The following AGAP1 variants were observed in gnomAD, a reference collection of about 807,000 sequenced individuals.
The protein encoded by AGAP1 is arf-GAP with GTPase, ANK repeat and PH domain-containing protein 1.
Under a neutral mutation model 105.3 loss-of-function variants are expected in AGAP1, and 29 were observed. The observed-to-expected ratio is 0.28, with a 90% CI of 0.21 to 0.38. AGAP1 has a LOEUF of 0.38. Ranked by LOEUF, AGAP1 falls within the 10% of genes least tolerant of loss-of-function variation. The pLI is 1.00. For missense variants in AGAP1, 998 were observed against 1,165.1 expected (o/e 0.86, Z 2.09); for synonymous variants, 509 against 485.9 (o/e 1.05, Z -0.63).
intron 1 of AGAP1, among the ~76,000 whole-genome samples, chr2:235,676,644 G>C (rs992304713): frequency 3.3e-5 from 5 of 152,142 alleles, no homozygotes; most frequent in African/African-American, 9.7e-5. Context: ...CATAAAACAG[G>C]ATGTTACTCT....
chr2:235,969,808 C>T (rs554064115), intron 13 of AGAP1, among the ~76,000 whole-genome samples: 4 of 152,290 alleles, frequency 2.6e-5, no homozygotes, highest in African/African-American at 9.6e-5. Context: ...CTCTGAGTAG[C>T]CCGCCAGCCT....
In AGAP1 at chr2:235,799,817, G is replaced by A. The variant is rs2150051530; in HGVS notation, c.957+295G>A. Among the ~76,000 whole-genome samples, 1 of 152,230 alleles carries A rather than the reference G, an allele frequency of 6.6e-6. No homozygotes were observed. The highest frequency in any genetic ancestry group is 2.1e-4 in the South Asian group (1 of 4,822). ...GCTCCAGCTAAAGATGTGTCACAGT[G>A]GATACAAGGAGATGACAAAACTCTA... On this transcript the variant is annotated intron_variant, in intron 8 of 17. Coordinates refer to ENST00000304032, the MANE Select transcript of AGAP1 (RefSeq NM_001037131.3). This position sits in a 1 kb window ranked among gnomAD's most constrained non-coding sequence, Gnocchi z 5.0.
rs1045432262 is a variant in AGAP1 at position 236,078,948 on chromosome 2, G to C, written c.2114+29667G>C. On this transcript the variant is annotated intron_variant, in intron 16 of 17. Transcript: ENST00000304032. The surrounding 1 kb of genome is among the most constrained non-coding windows in gnomAD (Gnocchi z 5.3). ...CCTCACACAGTGACCCAGTGGGCTTGAACAGTGAGGTTCCAGTCCCGTCCC... is the reference window on the plus strand; with the variant it reads ...CCTCACACAGTGACCCAGTGGGCTTCAACAGTGAGGTTCCAGTCCCGTCCC... Among the ~76,000 whole-genome samples, 1 of 152,192 alleles carries C rather than the reference G, an allele frequency of 6.6e-6. No homozygotes were observed. Among genetic ancestry groups the C allele is most frequent in the Admixed American group, 6.5e-5 (1 of 15,276 alleles).
rs114272823 is a variant in AGAP1 at position 235,906,704 on chromosome 2, A to G, written c.1156-2034A>G. On this transcript the variant is annotated intron_variant, in intron 10 of 17. Coordinates refer to ENST00000304032, the MANE Select transcript of AGAP1 (RefSeq NM_001037131.3). This position sits in a 1 kb window ranked among gnomAD's most constrained non-coding sequence, Gnocchi z 5.3. ...CACCTGACCATGGTTGGGCAGGGAG[A>G]AAACAGCTCTTCTCATCCTCTGCCC... Among the ~76,000 whole-genome samples the G allele has an allele frequency of 0.02, 3,053 of 150,406 alleles. 115 individuals carry two copies. The highest frequency in any genetic ancestry group is 0.073 in the African/African-American group (2,890 of 39,830).
At chr2:235,543,084 C>T (rs1448615482) in intron 1 of AGAP1, among the ~76,000 whole-genome samples, 1 of 125,538 alleles carries the variant, frequency 8.0e-6, no homozygotes, top group Non-Finnish European at 1.7e-5. Context: ...ACCCTGCTCC[C>T]GCCTCCTCCC....
At chr2:235,696,979 C>G (rs1472435009) in intron 1 of AGAP1, among the ~76,000 whole-genome samples, 1 of 149,124 alleles carries the variant, frequency 6.7e-6, no homozygotes, top group African/African-American at 2.6e-5. Flanking sequence ...CCTGGAGACT[C>G]GATCTCAAAA....
At chr2:235,974,235 T>A (rs1364654985) in intron 13 of AGAP1, among the ~76,000 whole-genome samples, 1 of 152,218 alleles carries the variant, frequency 6.6e-6, no homozygotes, top group Non-Finnish European at 1.5e-5. Flanking sequence ...TCAAACTCTT[T>A]CCACCAGGCA....
chr2:235,629,258 G>A (rs1946741935), intron 1 of AGAP1, among the ~76,000 whole-genome samples: 1 of 149,262 alleles, frequency 6.7e-6, no homozygotes, highest in Non-Finnish European at 1.5e-5. Flanking sequence ...TTAAGGCTGA[G>A]TAGTAGTCAT....
Position 235,744,475 on chromosome 2 carries a change from G to A in AGAP1, c.397-223G>A, listed in dbSNP as rs1224244823. 6.6e-6 allele frequency among the ~76,000 whole-genome samples: 1 copy of A among 152,176 alleles called. No individual in the cohort carries two copies. The highest frequency in any genetic ancestry group is 1.5e-5 in the Non-Finnish European group (1 of 68,032). On this transcript the variant is annotated intron_variant, in intron 4 of 17. Transcript: ENST00000304032. This position sits in a 1 kb window ranked among gnomAD's most constrained non-coding sequence, Gnocchi z 5.2. ...GACAGAGTGGCTTGGGTGGGAACAG[G>A]ATGAAGGGCCCATTCCCAAGGGGAA...
chr2:236,060,191 T>C (rs2058153769), intron 16 of AGAP1, among the ~76,000 whole-genome samples: 1 of 152,212 alleles, frequency 6.6e-6, no homozygotes, highest in African/African-American at 2.4e-5. Context: ...GGGTAAATCT[T>C]TGTGACTTTA....
intron 6 of AGAP1, among the ~76,000 whole-genome samples, chr2:235,778,768 T>C (rs983611209): frequency 6.6e-6 from 1 of 152,198 alleles, no homozygotes; most frequent in East Asian, 1.9e-4. Context: ...CTCTGATGGC[T>C]GTGTTCTTGG....
chr2:235,962,695 G>A lies in AGAP1; in HGVS notation c.1484-5767G>A, dbSNP rs2054241106. On this transcript the variant is annotated intron_variant, in intron 12 of 17. Transcript: ENST00000304032. The surrounding 1 kb of genome is among the most constrained non-coding windows in gnomAD (Gnocchi z 5.3). ...GAGAGGACACCCAGGAGGCTGAGAT[G>A]CAGACAGACCAAAATTCCAAAGGAG... 6.6e-6 allele frequency among the ~76,000 whole-genome samples: 1 copy of A among 152,194 alleles called. No individual in the cohort carries two copies. The highest frequency in any genetic ancestry group is 2.4e-5 in the African/African-American group (1 of 41,446).
chr2:235,884,643 G>C (rs1056281720), intron 10 of AGAP1, among the ~76,000 whole-genome samples: 7 of 151,872 alleles, frequency 4.6e-5, no homozygotes, highest in Admixed American at 4.6e-4. Flanking sequence ...TAGTAGAGAC[G>C]TGGTTTCACC....
chr2:236,064,521 G>A (rs894765023), intron 16 of AGAP1, among the ~76,000 whole-genome samples: 3 of 152,206 alleles, frequency 2.0e-5, no homozygotes, highest in Non-Finnish European at 1.5e-5. Flanking sequence ...ACTTGAACTC[G>A]GGAGGCGGAG....
rs1947221844 is a variant in AGAP1, at chr2:235,642,229, A to T, written c.164-66950A>T. 6.6e-6 allele frequency among the ~76,000 whole-genome samples: 1 copy of T among 151,928 alleles called. No homozygotes were observed. Among genetic ancestry groups the T allele is most frequent in the Admixed American group, 6.6e-5 (1 of 15,260 alleles). On this transcript the variant is annotated intron_variant, in intron 1 of 17. Transcript: ENST00000304032. The surrounding 1 kb of genome is among the most constrained non-coding windows in gnomAD (Gnocchi z 4.1). ...GCTAGCTCGTGGCATGTGCAATGGG[A>T]TCTCTTTCCTGAGTGCGCATTTCTT... is the stretch of plus-strand genomic sequence containing the variant.
chr2:235,892,924 A>T (rs920296389), intron 10 of AGAP1, among the ~76,000 whole-genome samples: 1 of 152,246 alleles, frequency 6.6e-6, no homozygotes, highest in East Asian at 1.9e-4. Context: ...GACCAAAAAG[A>T]CAGACCTCCC....
chr2:235,916,151 C>T (rs530431590), intron 11 of AGAP1, among the ~76,000 whole-genome samples: 2 of 124,270 alleles, frequency 1.6e-5, no homozygotes, highest in East Asian at 5.4e-4. Flanking sequence ...GAAAAAATTA[C>T]TGAAGGGTCT....
At chr2:235,589,135 GC>G (rs915307614) in intron 1 of AGAP1, among the ~76,000 whole-genome samples, 1 of 149,376 alleles carries the variant, frequency 6.7e-6, no homozygotes, top group Non-Finnish European at 1.5e-5. Flanking sequence ...GGTTTCAGGA[GC>G]CCCGATGCTG....
Position 235,557,015 on chromosome 2 carries a change from G to C in AGAP1, c.163+62166G>C, listed in dbSNP as rs1450858798. Among the ~76,000 whole-genome samples, 1 of 152,182 alleles carries C rather than the reference G, an allele frequency of 6.6e-6. No individual in the cohort carries two copies. The highest frequency in any genetic ancestry group is 1.5e-5 in the Non-Finnish European group (1 of 68,042). The stretch of plus-strand genomic sequence containing the variant: ...TGCAACTCAGGGCTTTCTGGAGGTT[G>C]GGGGGCGGATCCCGAAGGCAGACTT... On this transcript the variant is annotated intron_variant, in intron 1 of 17. Coordinates refer to ENST00000304032, the MANE Select transcript of AGAP1 (RefSeq NM_001037131.3). This position sits in a 1 kb window ranked among gnomAD's most constrained non-coding sequence, Gnocchi z 4.7.
Sources: gnomAD v4.1 joint callset for allele counts (sites outside exome capture counted in the v4.1 genomes callset) on GRCh38, gnomAD v4.1.1 for gene constraint, Gnocchi (gnomAD v3.1) non-coding constraint, MANE v1.5 for transcripts, NCBI Gene and HGNC (gene_info 2026-07-23, HGNC 2026-07-21) for gene names.